PXT1: variants seen among roughly 807,000 people sequenced by gnomAD.
PXT1 encodes the protein peroxisomal testis enriched protein 1.
PXT1 carries 11 observed loss-of-function variants against 11.0 expected under a neutral mutation model. The observed-to-expected ratio is 1.00, with a 90% confidence interval of 0.63 to 1.66. The LOEUF is 1.66. Among genes scored for constraint, PXT1 ranks in the 40% most tolerant of loss-of-function variants. The pLI is 0.00. For missense variants in PXT1, 141 were observed against 155.5 expected, an observed-to-expected ratio of 0.91 and a Z score of 0.49; for synonymous variants, 43 against 51.4, an observed-to-expected ratio of 0.84 and a Z score of 0.70.
At chr6:36,428,134 T>A (rs1045090160) in intron 2 of PXT1, among the ~76,000 whole-genome samples, 2 of 152,134 alleles carry the variant, frequency 1.3e-5, no homozygotes, top group African/African-American at 4.8e-5. Flanking sequence ...AGATCAGCCC[T>A]GGATGAACTG....
chr6:36,420,710 T>C (rs752827707), intron 3 of PXT1, among the ~76,000 whole-genome samples: 10 of 152,234 alleles, frequency 6.6e-5, no homozygotes, highest in Non-Finnish European at 1.3e-4. Context: ...TTAAAATTGG[T>C]AAGTCACTTA....
chr6:36,432,842 G>A (rs528582021), intron 2 of PXT1, among the ~76,000 whole-genome samples: 118 of 151,818 alleles, frequency 7.8e-4, no homozygotes, highest in Middle Eastern at 6.8e-3. Context: ...CAGAGTGAGA[G>A]TCAGACATAT....
intron 2 of PXT1, among the ~76,000 whole-genome samples, chr6:36,429,749 C>T (rs1183836149): frequency 4.6e-5 from 7 of 151,306 alleles, no homozygotes; most frequent in Non-Finnish European, 1.0e-4. Context: ...AAGTGATCCA[C>T]CCACCTCGGC....
At chr6:36,397,354 T>C (rs1053824358) in intron 4 of PXT1, among the ~76,000 whole-genome samples, 1 of 152,110 alleles carries the variant, frequency 6.6e-6, no homozygotes, top group Admixed American at 6.6e-5. Context: ...GGTGGGACGA[T>C]CTCTGGAGCC....
intron 3 of PXT1, among the ~76,000 whole-genome samples, chr6:36,406,255 C>T (rs2127412096): frequency 6.6e-6 from 1 of 152,200 alleles, no homozygotes; most frequent in East Asian, 1.9e-4. Context: ...GACACTTGAC[C>T]CAAGAACAAA....
chr6:36,392,008 C>T (rs941012610), intron 4 of PXT1, 134 bp from the exon 5 acceptor site: 1 of 635,454 alleles, frequency 1.6e-6, no homozygotes, highest in Non-Finnish European at 2.7e-6. Flanking sequence ...TCTTGGGTTG[C>T]TTTATGAATT....
chr6:36,426,315 G>C (rs1774605396), intron 2 of PXT1, among the ~76,000 whole-genome samples: 1 of 143,718 alleles, frequency 7.0e-6, no homozygotes, highest in Non-Finnish European at 1.5e-5. Flanking sequence ...ACACCGGCCT[G>C]CATCCTTATC....
intron 2 of PXT1, among the ~76,000 whole-genome samples, chr6:36,431,897 C>G (rs1303467172): frequency 1.3e-5 from 2 of 151,954 alleles, no homozygotes; most frequent in Admixed American, 1.3e-4. Context: ...ATGGTGAAAG[C>G]CCGTCTCCAC....
At chr6:36,434,341 T>C (rs1334382803) in intron 2 of PXT1, among the ~76,000 whole-genome samples, 1 of 152,244 alleles carries the variant, frequency 6.6e-6, no homozygotes, top group Non-Finnish European at 1.5e-5. Flanking sequence ...TTGGTGATTA[T>C]TGCATCTAAG....
intron 2 of PXT1, among the ~76,000 whole-genome samples, chr6:36,431,730 CA>C (rs1185893204): frequency 6.6e-6 from 1 of 152,054 alleles, no homozygotes; most frequent in Non-Finnish European, 1.5e-5. Context: ...TGGGCTACTG[CA>C]CTCCAGCCTG....
chr6:36,416,696 C>T (rs9357212), intron 3 of PXT1, among the ~76,000 whole-genome samples: 71,124 of 152,018 alleles, frequency 0.47, 17,140 homozygotes, highest in Middle Eastern at 0.58. Flanking sequence ...ACAATAAATC[C>T]TGTATTATAT....
At chr6:36,401,853 T>C (rs937015968) in intron 3 of PXT1, among the ~76,000 whole-genome samples, 1 of 149,644 alleles carries the variant, frequency 6.7e-6, no homozygotes, top group Non-Finnish European at 1.5e-5. Flanking sequence ...CAAAATAGAT[T>C]TTTCCACTAT....
chr6:36,398,958 C>G (rs1475692801), intron 4 of PXT1, among the ~76,000 whole-genome samples: 1 of 152,138 alleles, frequency 6.6e-6, no homozygotes, highest in Admixed American at 6.5e-5. Context: ...TTTCTATGAG[C>G]CCTGCTGCTC....
At chr6:36,437,962 G>C (rs538481711) in intron 2 of PXT1, among the ~76,000 whole-genome samples, 9 of 151,504 alleles carry the variant, frequency 5.9e-5, no homozygotes, top group Admixed American at 4.6e-4. Flanking sequence ...TGGGATTACA[G>C]GAACCTGCCA....
intron 3 of PXT1, among the ~76,000 whole-genome samples, chr6:36,405,507 T>C (rs1213786672): frequency 6.6e-6 from 1 of 152,176 alleles, no homozygotes; most frequent in Non-Finnish European, 1.5e-5. Context: ...GCCTCTCAAG[T>C]GGCTGGGACT....
rs1156793499 is a variant in PXT1, at chr6:36,391,011, G to C, written c.*759C>G. 2 of 152,372 alleles carry C rather than the reference G, an allele frequency of 1.3e-5. No homozygotes were observed. The highest frequency in any genetic ancestry group is 2.9e-5 in the Non-Finnish European group (2 of 68,166). The allele number at this position is 152,372 out of a possible 1,614,324, so 9.4% of individuals were successfully genotyped here. A position where few individuals can be genotyped will look rare whatever the true frequency, so the allele number is the denominator to read the frequency against. On this transcript the variant is annotated 3_prime_UTR_variant, in exon 5 of 5. Transcript: ENST00000454782. ...GAAAGATACCTTCGAGCAGGGTCGAGTGGTATGGGAAAACACTGGAGTGGT... is the reference window on the plus strand; with the variant it reads ...GAAAGATACCTTCGAGCAGGGTCGACTGGTATGGGAAAACACTGGAGTGGT...
chr6:36,436,279 G>A (rs1774763012), intron 2 of PXT1, among the ~76,000 whole-genome samples: 1 of 152,164 alleles, frequency 6.6e-6, no homozygotes, highest in African/African-American at 2.4e-5. Flanking sequence ...ATGACCTGAT[G>A]GGATTTCTGT....
chr6:36,410,148 A>C (rs574246747), intron 3 of PXT1, among the ~76,000 whole-genome samples: 1 of 149,488 alleles, frequency 6.7e-6, no homozygotes, highest in Non-Finnish European at 1.5e-5. Context: ...AAGGAAGGAG[A>C]GAGAGAGAGA....
intron 1 of PXT1, among the ~76,000 whole-genome samples, chr6:36,441,713 A>T: frequency 6.6e-6 from 1 of 152,240 alleles, no homozygotes; most frequent in East Asian, 1.9e-4. Context: ...CTTTATAGTC[A>T]TAAACGAGGG....
Sources: gnomAD v4.1 joint callset for allele counts (sites outside exome capture counted in the v4.1 genomes callset) on GRCh38, gnomAD v4.1.1 for gene constraint, MANE v1.5 for transcripts, NCBI Gene and HGNC (gene_info 2026-07-23, HGNC 2026-07-21) for gene names.